The following PATJ variants were observed in gnomAD, a reference collection of about 807,000 sequenced individuals.
The protein encoded by PATJ is PATJ crumbs cell polarity complex component.
In PATJ, 190 loss-of-function variants were observed where a neutral mutation model predicts 224.9. The ratio of observed to expected loss-of-function variants is 0.84; its 90% CI spans 0.75 to 0.95. The LOEUF is 0.95. Among genes scored for constraint, PATJ ranks in the 40% least tolerant of loss-of-function variants. The pLI is 0.00. For missense variants in PATJ, 2,121 were observed against 2,270.3 expected (o/e 0.93, Z 1.34); for synonymous variants, 769 against 820.3 (o/e 0.94, Z 1.07).
chr1:61,968,237 G>A (rs758508205), intron 27 of PATJ, among the ~76,000 whole-genome samples: 6 of 152,006 alleles, frequency 3.9e-5, no homozygotes, highest in Non-Finnish European at 7.4e-5. Flanking sequence ...TTTTTTGTCA[G>A]TTTCTTTAGG....
At chr1:62,017,537 C>A (rs1000060513) in intron 28 of PATJ, among the ~76,000 whole-genome samples, 1 of 151,634 alleles carries the variant, frequency 6.6e-6, no homozygotes, top group Non-Finnish European at 1.5e-5. Flanking sequence ...CAACCCCAAC[C>A]TAGCCAATAT....
chr1:61,859,644 G>A (rs142434869), intron 18 of PATJ, among the ~76,000 whole-genome samples: 23 of 151,926 alleles, frequency 1.5e-4, no homozygotes, highest in Non-Finnish European at 2.8e-4. Context: ...TTGAGATGGA[G>A]TTTCACTCTT....
chr1:61,742,886 G>A (rs1644834291), intron 1 of PATJ, among the ~76,000 whole-genome samples: 1 of 151,826 alleles, frequency 6.6e-6, no homozygotes, highest in African/African-American at 2.4e-5. Flanking sequence ...GCCGCGGGCA[G>A]GGAGGGGCGC....
In PATJ at chr1:61,910,536, C is replaced by CTTTTTTTTTTT; in HGVS notation, c.3492+2072_3492+2082dup. On this transcript the variant is annotated intron_variant, in intron 25 of 43. Coordinates refer to ENST00000642238, the MANE Select transcript of PATJ (RefSeq NM_001350145.3). ...ACTTTGTTTATAGGGCAAAGTGACTCTTTTTTTTTTTTTTTTTTTTTTTTT... is the reference window on the plus strand; with the variant it reads ...ACTTTGTTTATAGGGCAAAGTGACTCTTTTTTTTTTTTTTTTTTTTTTTTTTTTTTTTTTTT... 4.3e-4 allele frequency among the ~76,000 whole-genome samples: 18 copies of CTTTTTTTTTTT among 42,268 alleles called. 4 individuals are homozygous for CTTTTTTTTTTT. Among genetic ancestry groups the CTTTTTTTTTTT allele is most frequent in the Non-Finnish European group, 6.0e-4 (14 of 23,528 alleles). The allele number at this position is 42,268 out of a possible 152,430, so 27.7% of individuals were successfully genotyped here. A position where few individuals can be genotyped will look rare whatever the true frequency, so the allele number is the denominator to read the frequency against.
chr1:62,038,132 C>T, intron 30 of PATJ, 83 bp downstream of exon 30: 1 of 865,754 alleles, frequency 1.2e-6, no homozygotes. Flanking sequence ...TTTTGATATT[C>T]AGTATTTGGT....
chr1:61,833,831 G>A, intron 17 of PATJ, 46 bp downstream of exon 17: 1 of 1,555,888 alleles, frequency 6.4e-7, no homozygotes. Flanking sequence ...TGATTGGTTT[G>A]TATTAAAGTT....
At chr1:61,838,343 G>A (rs1015011207) in intron 17 of PATJ, among the ~76,000 whole-genome samples, 1 of 151,720 alleles carries the variant, frequency 6.6e-6, no homozygotes, top group Non-Finnish European at 1.5e-5. Context: ...ATGATGGCTT[G>A]ACTGAGTACT....
At chr1:61,850,334 C>T (rs1243978578) in intron 17 of PATJ, among the ~76,000 whole-genome samples, 1 of 152,206 alleles carries the variant, frequency 6.6e-6, no homozygotes, top group Non-Finnish European at 1.5e-5. Flanking sequence ...TCCATTTGGG[C>T]ATAATGATTA....
chr1:61,908,463 G>T lies in PATJ; in HGVS notation c.3473G>T (p.Ser1158Ile), dbSNP rs1176151641. 1.2e-6 allele frequency: 2 copies of T among 1,612,914 alleles called. No homozygotes were observed. The highest frequency in any genetic ancestry group is 2.2e-5 in the South Asian group (2 of 91,044). Residue 1158 changes from serine to isoleucine, a missense_variant, in exon 25 of 44, where the codon AGT (serine) becomes ATT (isoleucine). Physicochemically the swap from Ser to Ile is moderately radical, Grantham distance 142. Coordinates refer to ENST00000642238, the MANE Select transcript of PATJ (RefSeq NM_001350145.3). ...AGNPVVFIVQ[S>I]LSSTPRVIPN... ...AACCCTGTGGTGTTCATTGTTCAGAGTTTGTCATCCACTCCACGAGTAAGT... is the reference window on the plus strand; with the variant it reads ...AACCCTGTGGTGTTCATTGTTCAGATTTTGTCATCCACTCCACGAGTAAGT...
chr1:61,862,434 T>C (rs934234817), intron 19 of PATJ, among the ~76,000 whole-genome samples: 2 of 152,110 alleles, frequency 1.3e-5, no homozygotes, highest in Non-Finnish European at 2.9e-5. Flanking sequence ...TGACCTCAGG[T>C]GATGTGCCCA....
At chr1:61,987,591 A>AC (rs1260637140) in intron 27 of PATJ, among the ~76,000 whole-genome samples, 2 of 152,008 alleles carry the variant, frequency 1.3e-5, no homozygotes, top group African/African-American at 4.8e-5. Flanking sequence ...CCTCCTCTCA[A>AC]CCCCCCATCC....
At chr1:61,928,693 A>G (rs1675585278) in intron 27 of PATJ, among the ~76,000 whole-genome samples, 1 of 152,074 alleles carries the variant, frequency 6.6e-6, no homozygotes, top group African/African-American at 2.4e-5. Flanking sequence ...ATAAAGCAAT[A>G]AAGCCTTTAA....
chr1:61,845,514 C>T (rs972144652), intron 17 of PATJ, among the ~76,000 whole-genome samples: 4 of 152,162 alleles, frequency 2.6e-5, no homozygotes, highest in Non-Finnish European at 5.9e-5. Flanking sequence ...TCTCACCTGG[C>T]CAAAGCTCTT....
At chr1:62,105,064 C>T (rs1361017636) in intron 33 of PATJ, among the ~76,000 whole-genome samples, 1 of 152,138 alleles carries the variant, frequency 6.6e-6, no homozygotes, top group East Asian at 1.9e-4. Flanking sequence ...ATTTTAAATA[C>T]AGAAAGACTT....
chr1:62,147,495 C>T (rs1668157064), intron 41 of PATJ, among the ~76,000 whole-genome samples: 1 of 152,042 alleles, frequency 6.6e-6, no homozygotes, highest in African/African-American at 2.4e-5. Context: ...ACTCCCTCTA[C>T]AAATACAAAA....
At position 61,939,676 on chromosome 1, in the gene PATJ, C is replaced by CTTTTTTTTTTTTT. The variant is rs71050183; in HGVS notation, c.3670+11861_3670+11873dup. Among the ~76,000 whole-genome samples, 11 of 58,876 alleles carry CTTTTTTTTTTTTT rather than the reference C, an allele frequency of 1.9e-4. 2 individuals carry two copies. The highest frequency in any genetic ancestry group is 9.4e-4 in the African/African-American group (10 of 10,684). The allele number at this position is 58,876 out of a possible 152,430, so 38.6% of individuals were successfully genotyped here. The stretch of plus-strand genomic sequence containing the variant: ...AGCATGTATAAAAAGTTTCTATGTG[C>CTTTTTTTTTTTTT]TTTTTTTTTTTTTTTTTTTTTTTTT... On this transcript the variant is annotated intron_variant, in intron 27 of 43. Transcript: ENST00000642238.
intron 27 of PATJ, among the ~76,000 whole-genome samples, chr1:61,981,490 C>T (rs1262588690): frequency 6.6e-6 from 1 of 151,912 alleles, no homozygotes; most frequent in South Asian, 2.1e-4. Context: ...AAGAGAAAAG[C>T]ATAACAAATT....
At chr1:61,827,662 AG>A (rs1201780657) in intron 16 of PATJ, 79 bp downstream of exon 16, 10 of 1,367,610 alleles carry the variant, frequency 7.3e-6, no homozygotes, top group Non-Finnish European at 9.9e-6. Flanking sequence ...TGCAATAAGA[AG>A]GGAGGGGAAA....
At chr1:62,036,055 A>T (rs1017768951) in intron 29 of PATJ, among the ~76,000 whole-genome samples, 3 of 152,130 alleles carry the variant, frequency 2.0e-5, no homozygotes, top group Non-Finnish European at 4.4e-5. Flanking sequence ...GGGAAGAAGC[A>T]CTAGAGGGGG....
Sources: allele counts gnomAD v4.1 joint callset (sites outside exome capture counted in the v4.1 genomes callset), GRCh38; gene constraint gnomAD v4.1.1; transcripts MANE v1.5; gene names NCBI Gene and HGNC (gene_info 2026-07-23, HGNC 2026-07-21).